Variants in TTC28 observed in about 807,000 individuals in gnomAD.
The protein encoded by TTC28 is tetratricopeptide repeat protein 28.
In TTC28, 61 loss-of-function variants were observed where a neutral mutation model predicts 198.0. That is an observed-to-expected ratio of 0.31 (90% CI 0.25 to 0.38). The LOEUF (loss-of-function observed/expected upper bound fraction) is 0.38, where lower values mean the gene tolerates loss of function less well. Among genes scored for constraint, TTC28 ranks in the 10% least tolerant of loss-of-function variants. TTC28 has a pLI of 1.00. For synonymous variants in TTC28, 1,171 were observed against 1,297.8 expected (o/e 0.90, Z 2.10); for missense variants, 2,678 against 3,164.0 (o/e 0.85, Z 3.69).
At chr22:28,071,747 GGAAAAAAAAAAAAAAAAA>G (rs1940982122) in intron 12 of TTC28, among the ~76,000 whole-genome samples, 1 of 112,438 alleles carries the variant, frequency 8.9e-6, no homozygotes, top group African/African-American at 3.8e-5. Context: ...AAAAAAAAAA[GGAAAAAAAAAAAAAAAAA>G]GAAAAACACA....
intron 2 of TTC28, among the ~76,000 whole-genome samples, chr22:28,313,108 C>G (rs1417755907): frequency 6.6e-6 from 1 of 152,126 alleles, no homozygotes; most frequent in East Asian, 1.9e-4. Context: ...ACTAGAAAAT[C>G]TAGAAGAAAT....
chr22:28,522,782 T>C (rs977375720), intron 2 of TTC28, among the ~76,000 whole-genome samples: 28 of 152,018 alleles, frequency 1.8e-4, no homozygotes, highest in African/African-American at 6.8e-4. Flanking sequence ...AAAGCCCAGA[T>C]ATTGTATGAT....
At chr22:28,335,126 G>T (rs868761319) in intron 2 of TTC28, among the ~76,000 whole-genome samples, 3 of 152,100 alleles carry the variant, frequency 2.0e-5, no homozygotes, top group Non-Finnish European at 2.9e-5. Flanking sequence ...TTTCCCCATT[G>T]CTTGTTTTTG....
At chr22:28,128,409 A>C (rs539391158) in intron 6 of TTC28, among the ~76,000 whole-genome samples, 52 of 152,238 alleles carry the variant, frequency 3.4e-4, no homozygotes, top group Non-Finnish European at 6.5e-4. Context: ...CAAACTGCTT[A>C]ATTTCTGTGA....
chr22:28,126,233 G>C (rs1942910318), intron 6 of TTC28, among the ~76,000 whole-genome samples: 1 of 152,186 alleles, frequency 6.6e-6, no homozygotes. Context: ...CCACAGAATT[G>C]TTTAATTACT....
At chr22:28,066,283 T>C (rs1281131928) in intron 12 of TTC28, among the ~76,000 whole-genome samples, 1 of 147,934 alleles carries the variant, frequency 6.8e-6, no homozygotes, top group East Asian at 1.9e-4. Context: ...ACCGTGTGTG[T>C]GTGTGTGTGT....
intron 5 of TTC28, among the ~76,000 whole-genome samples, chr22:28,257,761 T>C (rs1234156298): frequency 1.5e-5 from 1 of 67,454 alleles, no homozygotes; most frequent in African/African-American, 4.5e-5. Flanking sequence ...TATATATATA[T>C]ATATATATAT....
At chr22:28,159,239 C>T (rs1277170509) in intron 6 of TTC28, among the ~76,000 whole-genome samples, 1 of 152,168 alleles carries the variant, frequency 6.6e-6, no homozygotes, top group African/African-American at 2.4e-5. Context: ...ATCCAAAGGA[C>T]AGGCAATAAC....
chr22:28,632,911 A>C (rs917232510), intron 1 of TTC28, among the ~76,000 whole-genome samples: 5 of 151,870 alleles, frequency 3.3e-5, no homozygotes, highest in Non-Finnish European at 7.4e-5. Flanking sequence ...AGACTGCTTG[A>C]GCCCAGGAGT....
chr22:28,300,302 T>A (rs2044993731), intron 3 of TTC28, among the ~76,000 whole-genome samples: 1 of 152,174 alleles, frequency 6.6e-6, no homozygotes, highest in Admixed American at 6.5e-5. Flanking sequence ...GACTGATAGC[T>A]AGCAAAGACA....
At chr22:28,156,851 G>A (rs1943759488) in intron 6 of TTC28, among the ~76,000 whole-genome samples, 1 of 151,990 alleles carries the variant, frequency 6.6e-6, no homozygotes, top group Admixed American at 6.6e-5. Flanking sequence ...CCTCAAAAAG[G>A]AAGAAAAACT....
intron 2 of TTC28, among the ~76,000 whole-genome samples, chr22:28,564,450 T>G (rs2084717868): frequency 6.6e-6 from 1 of 152,188 alleles, no homozygotes; most frequent in Non-Finnish European, 1.5e-5. Flanking sequence ...TTCAGACTTT[T>G]GTTTTATTTG....
intron 2 of TTC28, among the ~76,000 whole-genome samples, chr22:28,628,545 A>T (rs1005154919): frequency 5.3e-5 from 8 of 152,164 alleles, no homozygotes; most frequent in African/African-American, 1.4e-4. Flanking sequence ...AGATCTCTAG[A>T]ATTATTCATC....
rs1458978996 is a variant in TTC28, at chr22:28,361,728, A to G, written c.382-55085T>C. ...GAAGCCATCTAGGACTACAGAGGAG[A>G]AGTCAATGCCTGGCTTCAAAGCTTC... On this transcript the variant is annotated intron_variant, in intron 2 of 22. Coordinates refer to ENST00000397906, the MANE Select transcript of TTC28 (RefSeq NM_001145418.2). 2.0e-5 allele frequency among the ~76,000 whole-genome samples: 3 copies of G among 152,216 alleles called. No individual in the cohort carries two copies. The East Asian group carries it at 5.8e-4, about 29-fold the overall frequency.
chr22:28,038,528 T>A (rs992961045), intron 12 of TTC28, among the ~76,000 whole-genome samples: 1 of 152,148 alleles, frequency 6.6e-6, no homozygotes, highest in African/African-American at 2.4e-5. Context: ...TCAAGATGGA[T>A]TAAAGACTTA....
chr22:28,509,349 C>T (rs189647230), intron 2 of TTC28, among the ~76,000 whole-genome samples: 241 of 152,302 alleles, frequency 1.6e-3, no homozygotes, highest in Non-Finnish European at 2.9e-3. Context: ...TCTCAGACCA[C>T]AGTGCAATCA....
intron 2 of TTC28, among the ~76,000 whole-genome samples, chr22:28,607,002 T>C (rs985176638): frequency 6.6e-6 from 1 of 152,162 alleles, no homozygotes; most frequent in African/African-American, 2.4e-5. Context: ...TCTCTGACCT[T>C]CCTCTGAAGC....
At chr22:28,589,475 T>A (rs2050383976) in intron 2 of TTC28, among the ~76,000 whole-genome samples, 1 of 152,170 alleles carries the variant, frequency 6.6e-6, no homozygotes, top group Admixed American at 6.5e-5. Context: ...AAATTAACTT[T>A]AAAAGGACCC....
At chr22:28,329,155 C>A (rs2045578381) in intron 2 of TTC28, among the ~76,000 whole-genome samples, 2 of 152,022 alleles carry the variant, frequency 1.3e-5, no homozygotes, top group Admixed American at 6.6e-5. Flanking sequence ...CAATAACTCT[C>A]CTGTAATTGT....
Sources: allele counts gnomAD v4.1 joint callset (sites outside exome capture counted in the v4.1 genomes callset), GRCh38; gene constraint gnomAD v4.1.1; transcripts MANE v1.5; gene names NCBI Gene and HGNC (gene_info 2026-07-23, HGNC 2026-07-21).